FBXO25: variants seen among roughly 807,000 people sequenced by gnomAD.
FBXO25 encodes F-box protein 25, also known as F-box only protein 25.
In FBXO25, 45 loss-of-function variants were observed where a neutral mutation model predicts 51.9. The observed-to-expected ratio is 0.87, with a 90% CI of 0.68 to 1.11. The LOEUF is 1.11. Among genes scored for constraint, FBXO25 ranks in the 50% most tolerant of loss-of-function variants. FBXO25 has a pLI of 0.00. For synonymous variants in FBXO25, 199 were observed against 151.0 expected (o/e 1.32, Z -2.33); for missense variants, 507 against 428.5 (o/e 1.18, Z -1.62).
intron 2 of FBXO25, among the ~76,000 whole-genome samples, chr8:426,040 A>G (rs1432590835): frequency 2.0e-5 from 3 of 152,104 alleles, no homozygotes; most frequent in Middle Eastern, 3.4e-3. Context: ...GCCCGCCTCT[A>G]CCAGAACACT....
rs781431232 is a variant in FBXO25 at position 463,009 on chromosome 8, T to C, written c.846T>C (p.Phe282=). 6.2e-7 allele frequency: 1 copy of C among 1,608,016 alleles called. No homozygotes were observed. The highest frequency in any genetic ancestry group is 8.5e-7 in the Non-Finnish European group (1 of 1,178,760). Residue 282 remains phenylalanine, a splice_region_variant and synonymous_variant, in exon 9 of 10, where the codon TTT becomes TTC. Transcript: ENST00000350302. The part of the protein sequence containing the change: ...LCQYHFAEKQ[F]CRHLILSEKG... ...TGAATGGAGTTTTGTTTGTTTAGTT[T>C]TGTAGACATTTGATCCTTTCAGAAA...
chr8:412,067 A>G (rs1796512046), intron 1 of FBXO25, among the ~76,000 whole-genome samples: 1 of 152,246 alleles, frequency 6.6e-6, no homozygotes, highest in Non-Finnish European at 1.5e-5. Context: ...GGGAAGAACT[A>G]GCATTTGAAG....
intron 2 of FBXO25, among the ~76,000 whole-genome samples, chr8:425,613 T>G (rs1327413869): frequency 6.6e-6 from 1 of 151,714 alleles, no homozygotes; most frequent in African/African-American, 2.4e-5. Context: ...TTTTATTATT[T>G]AAATTTGTAT....
intron 2 of FBXO25, among the ~76,000 whole-genome samples, chr8:421,214 GACTA>G (rs200915981): frequency 0.015 from 2,351 of 152,302 alleles, 44 homozygotes; most frequent in Non-Finnish European, 0.026. Context: ...CTCCTTTTGA[GACTA>G]ACTAACTAAT....
At chr8:456,844 G>A (rs1271714471) in intron 7 of FBXO25, among the ~76,000 whole-genome samples, 4 of 152,172 alleles carry the variant, frequency 2.6e-5, no homozygotes, top group African/African-American at 9.7e-5. Context: ...GAAGTCCCAG[G>A]AAGGTGCTTC....
chr8:468,976 T>C lies in FBXO25; in HGVS notation c.*172T>C. 8.6e-6 allele frequency: 5 copies of C among 581,882 alleles called. No homozygotes were observed. The highest frequency in any genetic ancestry group is 1.5e-5 in the Non-Finnish European group (5 of 336,366). 36.0% of individuals were successfully genotyped at this position (581,882 alleles called of 1,614,324 possible). On this transcript the variant is annotated 3_prime_UTR_variant, in exon 10 of 10. Transcript: ENST00000350302. The stretch of plus-strand genomic sequence containing the variant: ...GACTGCATGGTTGCATTTTCATCAC[T>C]GAAAGTCAGAGGCCAAGGAAATCAT...
chr8:431,833 G>A (rs949987435), intron 3 of FBXO25, among the ~76,000 whole-genome samples: 2 of 152,176 alleles, frequency 1.3e-5, no homozygotes, highest in African/African-American at 4.8e-5. Context: ...GGCAGCAGGG[G>A]AAGGCTGGAG....
chr8:467,626 TTAGA>T, intron 9 of FBXO25: 1 of 1,242,236 alleles, frequency 8.1e-7, no homozygotes, highest in South Asian at 1.2e-5. Flanking sequence ...ACCTGAATGC[TTAGA>T]TACACTCTGG....
chr8:468,678 T>TG, intron 9 of FBXO25, 37 bp from the exon 10 acceptor site: 1 of 1,575,764 alleles, frequency 6.3e-7, no homozygotes, highest in South Asian at 1.1e-5. Context: ...TGGCTGGTGG[T>TG]GGGGCCCCCT....
chr8:413,355 T>TA, intron 2 of FBXO25, 142 bp downstream of exon 2: 1 of 1,328,350 alleles, frequency 7.5e-7, no homozygotes, highest in Non-Finnish European at 9.7e-7. Flanking sequence ...GTTGTTTAGC[T>TA]AAAAAATGAG....
intron 6 of FBXO25, chr8:451,016 T>C (rs1248011595): frequency 3.1e-6 from 1 of 325,176 alleles, no homozygotes; most frequent in South Asian, 6.7e-5. Flanking sequence ...GTGCCTCATG[T>C]AAGTGGAGAT....
chr8:459,244 C>T (rs1028387636), intron 8 of FBXO25, among the ~76,000 whole-genome samples: 3 of 152,184 alleles, frequency 2.0e-5, no homozygotes, highest in Non-Finnish European at 4.4e-5. Flanking sequence ...TTGTGCTCCT[C>T]GTGGGGTGTG....
At chr8:467,110 C>G (rs1385684122) in intron 9 of FBXO25, among the ~76,000 whole-genome samples, 1 of 152,118 alleles carries the variant, frequency 6.6e-6, no homozygotes, top group East Asian at 1.9e-4. Flanking sequence ...TGGTCCTGGT[C>G]TTGCAGGGGA....
At chr8:438,857 TCAGCAG>T (rs1798251494) in intron 5 of FBXO25, among the ~76,000 whole-genome samples, 1 of 152,212 alleles carries the variant, frequency 6.6e-6, no homozygotes, top group Non-Finnish European at 1.5e-5. Flanking sequence ...CCCCATCATG[TCAGCAG>T]CATTCCCTGG....
chr8:433,425 C>A (rs1474948303), intron 4 of FBXO25, among the ~76,000 whole-genome samples: 3 of 152,118 alleles, frequency 2.0e-5, no homozygotes, highest in African/African-American at 7.2e-5. Flanking sequence ...GGGAATGTGT[C>A]CTCCCTGTGG....
chr8:422,774 G>C (rs535022437), intron 2 of FBXO25, among the ~76,000 whole-genome samples: 1 of 152,150 alleles, frequency 6.6e-6, no homozygotes, highest in African/African-American at 2.4e-5. Flanking sequence ...CACAGGGCTC[G>C]CAATGGTGGC....
At chr8:437,627 C>G (rs1407491329) in intron 5 of FBXO25, among the ~76,000 whole-genome samples, 4 of 152,254 alleles carry the variant, frequency 2.6e-5, no homozygotes, top group Admixed American at 2.6e-4. Context: ...GTGGTAAAGC[C>G]TGAGCCTGTG....
chr8:407,314 C>G (rs1427132004), intron 1 of FBXO25: 3 of 959,034 alleles, frequency 3.1e-6, no homozygotes, highest in Non-Finnish European at 3.7e-6. Flanking sequence ...ACGGGGTTGT[C>G]GCGGGCGCGT....
intron 2 of FBXO25, among the ~76,000 whole-genome samples, chr8:417,552 T>C (rs956325353): frequency 5.3e-5 from 8 of 152,200 alleles, no homozygotes; most frequent in African/African-American, 1.7e-4. Flanking sequence ...CATTAACTGA[T>C]ATAACATCTA....
Sources: gnomAD v4.1 joint callset for allele counts (sites outside exome capture counted in the v4.1 genomes callset) on GRCh38, gnomAD v4.1.1 for gene constraint, MANE v1.5 for transcripts, NCBI Gene and HGNC (gene_info 2026-07-23, HGNC 2026-07-21) for gene names.